Variants in TLN2 observed in about 807,000 individuals in gnomAD.
TLN2 encodes the protein talin 2.
Under a neutral mutation model 294.7 loss-of-function variants are expected in TLN2, and 118 were observed. The ratio of observed to expected loss-of-function variants is 0.40; its 90% CI spans 0.34 to 0.47. The LOEUF (loss-of-function observed/expected upper bound fraction) is 0.47, where lower values mean the gene tolerates loss of function less well. Among genes scored for constraint, TLN2 ranks in the 20% least tolerant of loss-of-function variants. The pLI is 0.84. For missense variants in TLN2, 3,083 were observed against 3,282.2 expected (o/e 0.94, Z 1.48); for synonymous variants, 1,431 against 1,304.5 (o/e 1.10, Z -2.09).
rs1166658709 is a variant in TLN2 at position 62,761,714 on chromosome 15, A to G, written c.4672A>G (p.Asn1558Asp). Residue 1558 changes from asparagine to aspartate, a missense_variant, in exon 38 of 59, where the codon AAT becomes GAT. Coordinates refer to ENST00000636159, the MANE Select transcript of TLN2 (RefSeq NM_015059.3). ...LDGDFSEDNRNKCRIATAPLI... is the reference protein window; with the variant it reads ...LDGDFSEDNRDKCRIATAPLI... ...TGGGGATTTCTCTGAAGACAACCGC[A>G]ATAAGTGTCGCATCGCCACCGCACC... 6.2e-7 allele frequency: 1 copy of G among 1,614,086 alleles called. No individual in the cohort carries two copies. Among genetic ancestry groups the G allele is most frequent in the Admixed American group, 1.7e-5 (1 of 60,012 alleles).
At chr15:62,447,577 T>C (rs2035889289) in intron 1 of TLN2, among the ~76,000 whole-genome samples, 2 of 150,646 alleles carry the variant, frequency 1.3e-5, no homozygotes, top group Admixed American at 1.3e-4. Flanking sequence ...CACTGCAAGC[T>C]CCGCCTCCTG....
chr15:62,583,854 A>C (rs934776807), intron 1 of TLN2, among the ~76,000 whole-genome samples: 2 of 152,194 alleles, frequency 1.3e-5, no homozygotes, highest in Non-Finnish European at 2.9e-5. Context: ...TTAAGAGAGG[A>C]GGGTCAGTGA....
At chr15:62,798,410 T>A (rs1296924066) in intron 48 of TLN2, among the ~76,000 whole-genome samples, 3 of 152,188 alleles carry the variant, frequency 2.0e-5, no homozygotes, top group African/African-American at 7.2e-5. Flanking sequence ...AACCTGCACA[T>A]GCGGCACAGC....
chr15:62,568,800 G>A (rs1348889702), intron 1 of TLN2, among the ~76,000 whole-genome samples: 1 of 152,172 alleles, frequency 6.6e-6, no homozygotes, highest in Non-Finnish European at 1.5e-5. Context: ...GCTGGAAGAA[G>A]CACCTGGAGG....
Position 62,709,961 on chromosome 15 carries a change from C to G in TLN2, c.2467+1165C>G, listed in dbSNP as rs371350140. 2.1e-3 allele frequency among the ~76,000 whole-genome samples: 325 copies of G among 152,272 alleles called. 3 individuals are homozygous for G. Among genetic ancestry groups the G allele is most frequent in the African/African-American group, 7.4e-3 (306 of 41,560 alleles). On this transcript the variant is annotated intron_variant, in intron 21 of 58. Coordinates refer to ENST00000636159, the MANE Select transcript of TLN2 (RefSeq NM_015059.3). The stretch of plus-strand genomic sequence containing the variant: ...TGTTGGCCAGGCTGGTCTCGAACTC[C>G]TGACCTCAGGTGATCTGCCCGCCTC...
chr15:62,546,474 T>A (rs1464374349), intron 1 of TLN2, among the ~76,000 whole-genome samples: 2 of 152,080 alleles, frequency 1.3e-5, no homozygotes, highest in Non-Finnish European at 2.9e-5. Flanking sequence ...TGCTCCATAG[T>A]TGTGAACTAC....
chr15:62,448,163 A>G (rs973160174), intron 1 of TLN2, among the ~76,000 whole-genome samples: 2 of 152,168 alleles, frequency 1.3e-5, no homozygotes, highest in Admixed American at 1.3e-4. Context: ...GCCTCCTTAC[A>G]TTAGATTTCA....
At chr15:62,625,581 C>A (rs2049211889) in intron 3 of TLN2, among the ~76,000 whole-genome samples, 1 of 152,130 alleles carries the variant, frequency 6.6e-6, no homozygotes, top group South Asian at 2.1e-4. Context: ...AAGCCAGCAG[C>A]AGCTGGGAAC....
intron 1 of TLN2, among the ~76,000 whole-genome samples, chr15:62,462,982 C>G (rs907608729): frequency 6.6e-6 from 1 of 152,216 alleles, no homozygotes; most frequent in Non-Finnish European, 1.5e-5. Flanking sequence ...AGAGCTCCCT[C>G]TTTGCTGAGC....
intron 1 of TLN2, among the ~76,000 whole-genome samples, chr15:62,572,080 TCTA>T (rs1357030823): frequency 6.6e-6 from 1 of 152,172 alleles, no homozygotes; most frequent in African/African-American, 2.4e-5. Flanking sequence ...CTGCTTTTCC[TCTA>T]ATTCCCTGTT....
intron 1 of TLN2, among the ~76,000 whole-genome samples, chr15:62,392,605 C>A (rs116365208): frequency 0.026 from 4,027 of 152,138 alleles, 191 homozygotes; most frequent in African/African-American, 0.092. Context: ...AGGGCACGGG[C>A]GTGTTTGCCA....
intron 54 of TLN2, among the ~76,000 whole-genome samples, chr15:62,824,326 C>T (rs1208198838): frequency 6.6e-6 from 1 of 152,134 alleles, no homozygotes; most frequent in Non-Finnish European, 1.5e-5. Context: ...GGTTCCAACC[C>T]ATGTCTGTGA....
At chr15:62,531,171 A>G (rs1329637994) in intron 1 of TLN2, among the ~76,000 whole-genome samples, 1 of 152,240 alleles carries the variant, frequency 6.6e-6, no homozygotes, top group African/African-American at 2.4e-5. Context: ...TCTAGAATCA[A>G]CTTAAGTCCC....
rs2070735597 is a variant in TLN2, at chr15:62,841,846, G to C, written c.*1236G>C. The C allele has an allele frequency of 2.0e-5, 3 of 152,140 alleles. No individual in the cohort carries two copies. The highest frequency in any genetic ancestry group is 1.3e-4 in the Admixed American group (2 of 15,278). 9.4% of individuals were successfully genotyped at this position (152,140 alleles called of 1,614,324 possible). A position where few individuals can be genotyped will look rare whatever the true frequency, so the allele number is the denominator to read the frequency against. On this transcript the variant is annotated 3_prime_UTR_variant, in exon 59 of 59. Transcript: ENST00000636159. ...AGTGCATGGAAGATGAATGGCTCGT[G>C]GGACAGAATCTAATGCCAGGGAGCA...
At chr15:62,689,813 ATCTCTAGT>A (rs1349939420) in intron 12 of TLN2, among the ~76,000 whole-genome samples, 1 of 30,484 alleles carries the variant, frequency 3.3e-5, no homozygotes, top group Non-Finnish European at 8.9e-5. Context: ...AGATATTTTT[ATCTCTAGT>A]TTTCAAAATT....
At chr15:62,542,078 C>A (rs1285478735) in intron 1 of TLN2, among the ~76,000 whole-genome samples, 1 of 152,100 alleles carries the variant, frequency 6.6e-6, no homozygotes, top group African/African-American at 2.4e-5. Context: ...TCTTGTCCCT[C>A]ACTGATCTGT....
intron 16 of TLN2, 56 bp downstream of exon 16, chr15:62,698,923 T>A (rs1407150906): frequency 6.7e-7 from 1 of 1,495,898 alleles, no homozygotes; most frequent in Non-Finnish European, 9.2e-7. Flanking sequence ...GAAAGCAGGG[T>A]TATATACTCT....
intron 1 of TLN2, among the ~76,000 whole-genome samples, chr15:62,545,956 G>A (rs1293446120): frequency 2.0e-5 from 3 of 152,310 alleles, no homozygotes; most frequent in South Asian, 4.1e-4. Flanking sequence ...TCTTTGGACT[G>A]TATTTCCTTT....
intron 1 of TLN2, among the ~76,000 whole-genome samples, chr15:62,546,562 G>A (rs1470507597): frequency 1.3e-5 from 2 of 152,174 alleles, no homozygotes; most frequent in East Asian, 1.9e-4. Flanking sequence ...CTTCCTGGGG[G>A]CATGTTGTCT....
Sources: gnomAD v4.1 joint callset for allele counts (sites outside exome capture counted in the v4.1 genomes callset) on GRCh38, gnomAD v4.1.1 for gene constraint, MANE v1.5 for transcripts, NCBI Gene and HGNC (gene_info 2026-07-23, HGNC 2026-07-21) for gene names.